LRP1B: variants seen among roughly 807,000 people sequenced by gnomAD.
LRP1B encodes low-density lipoprotein receptor-related protein 1B.
LRP1B carries 217 observed loss-of-function variants against 556.6 expected under a neutral mutation model. That is an observed-to-expected ratio of 0.39 (90% CI 0.35 to 0.44). The LOEUF (loss-of-function observed/expected upper bound fraction) is 0.44. Among genes scored for constraint, LRP1B ranks in the 20% least tolerant of loss-of-function variants. LRP1B has a pLI of 1.00. For missense variants in LRP1B, 5,053 were observed against 5,620.8 expected (o/e 0.90, Z 3.23); for synonymous variants, 2,047 against 1,865.8 (o/e 1.10, Z -2.50).
rs181008402 is a variant in LRP1B at position 141,132,274 on chromosome 2, G to A, written c.1013+56147C>T. Among the ~76,000 whole-genome samples the A allele has an allele frequency of 4.2e-4, 64 of 151,930 alleles. No homozygotes were observed. The East Asian group carries it at 9.9e-3, about 24-fold the overall frequency. On this transcript the variant is annotated intron_variant, in intron 7 of 90. Transcript: ENST00000389484. ...GGGGCGGAACCCTCATGAATGGCTT[G>A]GTCTTGTTCTTGCCATAGTTGTGTT... is the stretch of plus-strand genomic sequence containing the variant.
intron 18 of LRP1B, among the ~76,000 whole-genome samples, chr2:140,959,338 T>A (rs1313002055): frequency 6.6e-6 from 1 of 151,602 alleles, no homozygotes; most frequent in Non-Finnish European, 1.5e-5. Flanking sequence ...AGAAACTAGT[T>A]GACTGAAAAA....
chr2:140,486,994 A>G (rs1484141971), intron 58 of LRP1B, among the ~76,000 whole-genome samples: 1 of 151,936 alleles, frequency 6.6e-6, no homozygotes, highest in Non-Finnish European at 1.5e-5. Flanking sequence ...TGAATTTAAA[A>G]CTTCTTTATA....
intron 1 of LRP1B, among the ~76,000 whole-genome samples, chr2:141,971,112 C>T (rs551072915): frequency 6.6e-6 from 1 of 151,432 alleles, no homozygotes; most frequent in Non-Finnish European, 1.5e-5. Flanking sequence ...GTTACCAAAT[C>T]CTTTTGAGCA....
intron 7 of LRP1B, among the ~76,000 whole-genome samples, chr2:141,074,154 G>A (rs1192052618): frequency 1.3e-5 from 2 of 151,990 alleles, no homozygotes; most frequent in Non-Finnish European, 2.9e-5. Flanking sequence ...ATCCAGTGAT[G>A]CTCTTCTCTA....
chr2:141,344,832 G>A (rs1688188205), intron 3 of LRP1B, among the ~76,000 whole-genome samples: 1 of 152,126 alleles, frequency 6.6e-6, no homozygotes, highest in African/African-American at 2.4e-5. Flanking sequence ...CTAATTGGGA[G>A]CTTGAAGGAT....
chr2:141,191,411 C>T (rs1321700653), intron 6 of LRP1B, among the ~76,000 whole-genome samples: 1 of 151,892 alleles, frequency 6.6e-6, no homozygotes, highest in African/African-American at 2.4e-5. Flanking sequence ...TCCTCAGTAA[C>T]ATGCTGCTTC....
intron 6 of LRP1B, among the ~76,000 whole-genome samples, chr2:141,192,423 A>G (rs1169260907): frequency 6.6e-6 from 1 of 151,946 alleles, no homozygotes; most frequent in East Asian, 1.9e-4. Flanking sequence ...TGAGTATTTT[A>G]CCTTAATTTT....
intron 6 of LRP1B, among the ~76,000 whole-genome samples, chr2:141,211,265 A>C (rs1573656968): frequency 6.6e-6 from 1 of 151,372 alleles, no homozygotes; most frequent in East Asian, 2.0e-4. Context: ...TGGGATTATA[A>C]GCATGAGACA....
chr2:141,505,904 T>G (rs1426143863), intron 2 of LRP1B, among the ~76,000 whole-genome samples: 1 of 152,048 alleles, frequency 6.6e-6, no homozygotes, highest in Non-Finnish European at 1.5e-5. Context: ...CTGATACAAT[T>G]TATTGACCAT....
At chr2:141,227,938 CTTTT>C (rs1483388210) in intron 6 of LRP1B, among the ~76,000 whole-genome samples, 8 of 152,106 alleles carry the variant, frequency 5.3e-5, no homozygotes, top group Admixed American at 3.9e-4. Context: ...TCTTCTCTTT[CTTTT>C]TAAGACAGAG....
intron 31 of LRP1B, among the ~76,000 whole-genome samples, chr2:140,826,401 C>A (rs1259905715): frequency 6.6e-6 from 1 of 152,030 alleles, no homozygotes; most frequent in African/African-American, 2.4e-5. Context: ...GTTTAAATTG[C>A]CCCAGTTGAA....
chr2:141,851,935 T>A (rs922179714), intron 1 of LRP1B, among the ~76,000 whole-genome samples: 1 of 151,764 alleles, frequency 6.6e-6, no homozygotes, highest in Non-Finnish European at 1.5e-5. Flanking sequence ...GAATTTGATA[T>A]AATCTACAAA....
intron 35 of LRP1B, among the ~76,000 whole-genome samples, chr2:140,748,365 T>TA (rs1559094023): frequency 9.6e-6 from 1 of 104,636 alleles, no homozygotes; most frequent in Non-Finnish European, 1.8e-5. Flanking sequence ...TAATATATAT[T>TA]TATATATGTA....
At chr2:140,524,753 C>A (rs1055321967) in intron 49 of LRP1B, among the ~76,000 whole-genome samples, 8 of 151,676 alleles carry the variant, frequency 5.3e-5, no homozygotes, top group African/African-American at 1.9e-4. Context: ...ATTGAGTACA[C>A]AACGAAGTAA....
rs557419029 is a variant in LRP1B, at chr2:141,333,471, A to G, written c.344-78830T>C. On this transcript the variant is annotated intron_variant, in intron 3 of 90. Coordinates refer to ENST00000389484, the MANE Select transcript of LRP1B (RefSeq NM_018557.3). ...TATGTCTTCTTATCATAGTTTTCAA[A>G]TATTCACAACACAAAATTATTATTA... Among the ~76,000 whole-genome samples, 74 of 152,274 alleles carry G rather than the reference A, an allele frequency of 4.9e-4. 1 individual carries two copies. In the South Asian group the frequency reaches 6.2e-3, roughly 13 times the overall value.
intron 2 of LRP1B, among the ~76,000 whole-genome samples, chr2:141,661,059 C>T (rs1690201518): frequency 1.3e-5 from 2 of 152,108 alleles, no homozygotes; most frequent in Admixed American, 6.6e-5. Context: ...CGGGGACCAC[C>T]AGCAAACTGC....
chr2:140,634,338 T>G (rs184111869), intron 41 of LRP1B, among the ~76,000 whole-genome samples: 2 of 152,262 alleles, frequency 1.3e-5, no homozygotes, highest in Admixed American at 1.3e-4. Flanking sequence ...TGGATAATAA[T>G]ATATCCAATA....
At chr2:141,582,713 T>A (rs536729010) in intron 2 of LRP1B, among the ~76,000 whole-genome samples, 6 of 151,870 alleles carry the variant, frequency 4.0e-5, no homozygotes, top group Non-Finnish European at 7.4e-5. Context: ...AAAATCCAGT[T>A]GCTCAGAAAG....
chr2:140,477,201 A>T (rs1386160207), intron 59 of LRP1B, among the ~76,000 whole-genome samples: 1 of 152,062 alleles, frequency 6.6e-6, no homozygotes, highest in Admixed American at 6.5e-5. Flanking sequence ...GAAATAAATC[A>T]GAACAATTCT....
Sources: allele counts gnomAD v4.1 joint callset (sites outside exome capture counted in the v4.1 genomes callset), GRCh38; gene constraint gnomAD v4.1.1; transcripts MANE v1.5; gene names NCBI Gene and HGNC (gene_info 2026-07-23, HGNC 2026-07-21).